The following GALNT18 variants were observed in gnomAD, a reference collection of about 807,000 sequenced individuals.
GALNT18 encodes the protein GalNAc-transferase 18.
Under a neutral mutation model 69.5 loss-of-function variants are expected in GALNT18, and 44 were observed. The observed-to-expected ratio is 0.63, with a 90% confidence interval of 0.50 to 0.81. The LOEUF (loss-of-function observed/expected upper bound fraction) is 0.81, where lower values mean the gene tolerates loss of function less well. Among genes scored for constraint, GALNT18 ranks in the 40% least tolerant of loss-of-function variants. The pLI is 0.00. For synonymous variants in GALNT18, 364 were observed against 318.2 expected (o/e 1.14, Z -1.53); for missense variants, 715 against 810.0 (o/e 0.88, Z 1.42).
chr11:11,619,715 G>T lies in GALNT18; in HGVS notation c.235+1644C>A, dbSNP rs760388336. Among the ~76,000 whole-genome samples, 4 of 152,148 alleles carry T rather than the reference G, an allele frequency of 2.6e-5. No individual in the cohort carries two copies. Among genetic ancestry groups the T allele is most frequent in the Admixed American group, 1.3e-4 (2 of 15,280 alleles). On this transcript the variant is annotated intron_variant, in intron 1 of 10. Coordinates refer to ENST00000227756, the MANE Select transcript of GALNT18 (RefSeq NM_198516.3). The surrounding 1 kb of genome is among the most constrained non-coding windows in gnomAD (Gnocchi z 4.9). ...GGGAACATTCTGAATCACCCTGGGG[G>T]AAACACTGTACTTCTATTGCTGATT...
chr11:11,450,497 A>C (rs977962656), intron 1 of GALNT18, among the ~76,000 whole-genome samples: 2 of 152,244 alleles, frequency 1.3e-5, no homozygotes, highest in African/African-American at 4.8e-5. Flanking sequence ...AAGCAGGCAG[A>C]GGCTATCAAG....
chr11:11,514,923 G>A (rs1172326466), intron 1 of GALNT18, among the ~76,000 whole-genome samples: 1 of 152,162 alleles, frequency 6.6e-6, no homozygotes, highest in Non-Finnish European at 1.5e-5. Context: ...AAAGTGGACC[G>A]AAACCAAGAG....
chr11:11,397,127 C>T (rs1414261972), intron 3 of GALNT18, among the ~76,000 whole-genome samples: 1 of 152,154 alleles, frequency 6.6e-6, no homozygotes, highest in Non-Finnish European at 1.5e-5. Flanking sequence ...TCTCCTAGGA[C>T]TCTGCAGGCA....
chr11:11,275,327 G>T (rs940136795), intron 10 of GALNT18, among the ~76,000 whole-genome samples: 1 of 135,558 alleles, frequency 7.4e-6, no homozygotes, highest in East Asian at 2.0e-4. Flanking sequence ...GTGTCTGTTG[G>T]CTGCATAAAT....
intron 1 of GALNT18, among the ~76,000 whole-genome samples, chr11:11,487,353 A>T (rs1181278004): frequency 6.6e-6 from 1 of 152,188 alleles, no homozygotes; most frequent in Non-Finnish European, 1.5e-5. Context: ...CTCGCAAATC[A>T]CTATTAAAGA....
intron 2 of GALNT18, among the ~76,000 whole-genome samples, chr11:11,442,974 T>G (rs1855566311): frequency 1.3e-5 from 2 of 152,152 alleles, no homozygotes; most frequent in African/African-American, 4.8e-5. Context: ...TGAGCTGCCT[T>G]GGAGGGAGGC....
chr11:11,349,483 A>G (rs1337442749), intron 6 of GALNT18, among the ~76,000 whole-genome samples: 1 of 152,158 alleles, frequency 6.6e-6, no homozygotes, highest in Non-Finnish European at 1.5e-5. Flanking sequence ...ATTTTTGCCA[A>G]TCTGATGGGC....
At chr11:11,283,259 G>A (rs895285853) in intron 10 of GALNT18, among the ~76,000 whole-genome samples, 7 of 152,148 alleles carry the variant, frequency 4.6e-5, no homozygotes, top group African/African-American at 9.7e-5. Flanking sequence ...TGATTCTCCC[G>A]CCTCAGCTGC....
In GALNT18 at chr11:11,583,788, AGTAATG is replaced by A. The variant is rs1209794112; in HGVS notation, c.235+37565_235+37570del. Among the ~76,000 whole-genome samples the A allele has an allele frequency of 6.6e-6, 1 of 152,218 alleles. No homozygotes were observed. The highest frequency in any genetic ancestry group is 1.5e-5 in the Non-Finnish European group (1 of 68,038). Reference sequence around the variant, plus strand: ...AACCAGACTTATAGCACTATCGGCCAGTAATGGTTAAGCTCACATGATGTGCAAGGC... The same window carrying A: ...AACCAGACTTATAGCACTATCGGCCAGTTAAGCTCACATGATGTGCAAGGC... On this transcript the variant is annotated intron_variant, in intron 1 of 10. Coordinates refer to ENST00000227756, the MANE Select transcript of GALNT18 (RefSeq NM_198516.3). This position sits in a 1 kb window ranked among gnomAD's most constrained non-coding sequence, Gnocchi z 4.7.
chr11:11,487,726 G>A (rs1359616555), intron 1 of GALNT18, among the ~76,000 whole-genome samples: 3 of 152,182 alleles, frequency 2.0e-5, no homozygotes, highest in Non-Finnish European at 4.4e-5. Flanking sequence ...CTGAGGCAGT[G>A]CCATGCAAGA....
rs1008696159 is a variant in GALNT18 at position 11,541,706 on chromosome 11, C to A, written c.235+79653G>T. Among the ~76,000 whole-genome samples, 2 of 152,120 alleles carry A rather than the reference C, an allele frequency of 1.3e-5. No individual in the cohort carries two copies. The highest frequency in any genetic ancestry group is 2.9e-5 in the Non-Finnish European group (2 of 68,026). On this transcript the variant is annotated intron_variant, in intron 1 of 10. Transcript: ENST00000227756. This position sits in a 1 kb window ranked among gnomAD's most constrained non-coding sequence, Gnocchi z 4.8. Reference sequence around the variant, plus strand: ...CTTCCCAGCCCCCACACCTCTATTGCCCCAAAGCGTCGCTAGTAGCCTTGG... The same window carrying A: ...CTTCCCAGCCCCCACACCTCTATTGACCCAAAGCGTCGCTAGTAGCCTTGG...
chr11:11,454,604 G>C lies in GALNT18; in HGVS notation c.236-5668C>G, dbSNP rs903040703. ...AAACATCCCTCTTCCCAGAAACCCA[G>C]GCACAAAGGGCAATGAGGTGGGAAG... On this transcript the variant is annotated intron_variant, in intron 1 of 10. Transcript: ENST00000227756. The surrounding 1 kb of genome is among the most constrained non-coding windows in gnomAD (Gnocchi z 4.2). 1.3e-5 allele frequency among the ~76,000 whole-genome samples: 2 copies of C among 151,978 alleles called. No individual in the cohort carries two copies. The highest frequency in any genetic ancestry group is 4.8e-5 in the African/African-American group (2 of 41,326).
intron 1 of GALNT18, among the ~76,000 whole-genome samples, chr11:11,467,127 G>A (rs1425387415): frequency 6.6e-6 from 1 of 152,166 alleles, no homozygotes; most frequent in Non-Finnish European, 1.5e-5. Flanking sequence ...TTAATGGGGA[G>A]AAGATAGACA....
At chr11:11,420,456 G>A (rs1234837589) in intron 3 of GALNT18, among the ~76,000 whole-genome samples, 2 of 152,176 alleles carry the variant, frequency 1.3e-5, no homozygotes, top group African/African-American at 4.8e-5. Flanking sequence ...AGCTACTGGA[G>A]GCCACTTGGG....
At position 11,339,362 on chromosome 11, in the gene GALNT18, C is replaced by T. The variant is rs1480061636; in HGVS notation, c.1278+1457G>A. On this transcript the variant is annotated intron_variant, in intron 7 of 10. Coordinates refer to ENST00000227756, the MANE Select transcript of GALNT18 (RefSeq NM_198516.3). This position sits in a 1 kb window ranked among gnomAD's most constrained non-coding sequence, Gnocchi z 5.2. ...TTCATTGGGTTGCTGGGCATTTCAA[C>T]ACCTGTCAGCTGCAAGGGGGAGAGG... 6.6e-6 allele frequency among the ~76,000 whole-genome samples: 1 copy of T among 152,176 alleles called. No individual in the cohort carries two copies. The highest frequency in any genetic ancestry group is 2.4e-5 in the African/African-American group (1 of 41,446).
chr11:11,570,439 C>T (rs1036907890), intron 1 of GALNT18, among the ~76,000 whole-genome samples: 5 of 152,256 alleles, frequency 3.3e-5, no homozygotes, highest in South Asian at 2.1e-4. Flanking sequence ...AAGCCTCATC[C>T]GGCCGTCCGG....
At position 11,470,014 on chromosome 11, in the gene GALNT18, G is replaced by T. The variant is rs867891019; in HGVS notation, c.236-21078C>A. On this transcript the variant is annotated intron_variant, in intron 1 of 10. Coordinates refer to ENST00000227756, the MANE Select transcript of GALNT18 (RefSeq NM_198516.3). The surrounding 1 kb of genome is among the most constrained non-coding windows in gnomAD (Gnocchi z 4.8). Reference sequence around the variant, plus strand: ...GTCCTGTTTGCTTGCCTTTGTAACTGCTTCCCATAGGAACCTTTAGAGAAA... The same window carrying T: ...GTCCTGTTTGCTTGCCTTTGTAACTTCTTCCCATAGGAACCTTTAGAGAAA... 6.6e-6 allele frequency among the ~76,000 whole-genome samples: 1 copy of T among 152,172 alleles called. No individual in the cohort carries two copies. Among genetic ancestry groups the T allele is most frequent in the East Asian group, 1.9e-4 (1 of 5,194 alleles).
Position 11,372,522 on chromosome 11 carries a change from C to T in GALNT18, c.1085G>A (p.Gly362Glu). 1.2e-6 allele frequency: 2 copies of T among 1,614,054 alleles called. No homozygotes were observed. Among genetic ancestry groups the T allele is most frequent in the Non-Finnish European group, 8.5e-7 (1 of 1,179,894 alleles). The change falls in exon 6 of 11, where the codon GGG becomes GAG. Residue 362 changes from glycine to glutamate, a missense_variant. Physicochemically the swap from Gly to Glu is moderately conservative, Grantham distance 98. Coordinates refer to ENST00000227756, the MANE Select transcript of GALNT18 (RefSeq NM_198516.3). This position sits in a 1 kb window ranked among gnomAD's most constrained non-coding sequence, Gnocchi z 4.9. ...EVYGGENVEL[G>E]IRVWQCGGSV... ...GTGAGAAACCCCACTCACCCTGATC[C>T]CAAGCTCCACATTCTCGCCCCCGTA... is the stretch of plus-strand genomic sequence containing the variant.
chr11:11,375,061 G>A (rs1423138382), intron 5 of GALNT18, among the ~76,000 whole-genome samples: 11 of 152,278 alleles, frequency 7.2e-5, no homozygotes, highest in African/African-American at 2.4e-4. Context: ...GTCACCTGGC[G>A]ACTTAGGGAA....
Sources: gnomAD v4.1 joint callset for allele counts (sites outside exome capture counted in the v4.1 genomes callset) on GRCh38, gnomAD v4.1.1 for gene constraint, Gnocchi (gnomAD v3.1) non-coding constraint, MANE v1.5 for transcripts, NCBI Gene and HGNC (gene_info 2026-07-23, HGNC 2026-07-21) for gene names.